Variants in ZC2HC1B observed in about 807,000 individuals in gnomAD.
The protein encoded by ZC2HC1B is zinc finger C2HC-type containing 1B, also known as zinc finger C2HC domain-containing protein 1B.
A neutral mutation model predicts 31.0 loss-of-function variants in ZC2HC1B; 36 were observed. That is an observed-to-expected ratio of 1.16 (90% confidence interval 0.89 to 1.54). ZC2HC1B has a LOEUF of 1.54. ZC2HC1B is among the 40% of genes most tolerant of loss of function. ZC2HC1B has a pLI of 0.00. For missense variants in ZC2HC1B, 260 were observed against 268.6 expected (o/e 0.97, Z 0.22); for synonymous variants, 73 against 88.0 (o/e 0.83, Z 0.95).
At position 143,899,076 on chromosome 6, in the gene ZC2HC1B, G is replaced by A. The variant is rs1582962654; in HGVS notation, c.489+385G>A. Among the ~76,000 whole-genome samples, 1 of 152,202 alleles carries A rather than the reference G, an allele frequency of 6.6e-6. No homozygotes were observed. The highest frequency in any genetic ancestry group is 2.4e-5 in the African/African-American group (1 of 41,442). ...CTGTCCCAAGGCAACTGCCCCACAG[G>A]TCATGTGTTTTGCTCTATAGAGGAG... On this transcript the variant is annotated intron_variant, in intron 5 of 7. Transcript: ENST00000237275. This position sits in a 1 kb window ranked among gnomAD's most constrained non-coding sequence, Gnocchi z 5.0.
At chr6:143,894,291 G>A (rs1777637768) in intron 4 of ZC2HC1B, among the ~76,000 whole-genome samples, 2 of 152,166 alleles carry the variant, frequency 1.3e-5, no homozygotes, top group African/African-American at 4.8e-5. Context: ...ATAGTAATAG[G>A]AAATAGATAA....
rs1043411271 is a variant in ZC2HC1B, at chr6:143,922,601, A to G, written c.599-15048A>G. Among the ~76,000 whole-genome samples, 9 of 152,208 alleles carry G rather than the reference A, an allele frequency of 5.9e-5. No homozygotes were observed. Among genetic ancestry groups the G allele is most frequent in the Non-Finnish European group, 1.3e-4 (9 of 68,026 alleles). On this transcript the variant is annotated intron_variant, in intron 6 of 7. Transcript: ENST00000237275. This position sits in a 1 kb window ranked among gnomAD's most constrained non-coding sequence, Gnocchi z 5.0. ...TATTTGTCTTTCTGTGTCTGGCTTA[A>G]TTCATTTAACAATAATGACCTCTAG...
chr6:143,935,740 G>A (rs1305675803), intron 6 of ZC2HC1B, among the ~76,000 whole-genome samples: 4 of 125,652 alleles, frequency 3.2e-5, no homozygotes, highest in Non-Finnish European at 6.3e-5. Flanking sequence ...CTACAGCCTT[G>A]ACTTCCTGGG....
chr6:143,937,717 T>A lies in ZC2HC1B; in HGVS notation c.667T>A (p.Ter223LysextTer9). 1 of 1,550,396 alleles carries A rather than the reference T, an allele frequency of 6.4e-7. No homozygotes were observed. Among genetic ancestry groups the A allele is most frequent in the Non-Finnish European group, 8.7e-7 (1 of 1,146,486 alleles). The change falls in exon 7 of 8, where the codon TAA (stop) becomes AAA (lysine). Residue 223 changes from the stop codon to lysine, a stop_lost. Coordinates refer to ENST00000237275, the MANE Select transcript of ZC2HC1B (RefSeq NM_001013623.3). ...QGFSKSSKKD[*>K] The stretch of plus-strand genomic sequence containing the variant: ...ATTTAGTAAATCTTCTAAAAAAGAT[T>A]AACTCCTAGAAGCCAGGTAAGAAAA...
At chr6:143,926,858 A>G (rs1264277946) in intron 6 of ZC2HC1B, among the ~76,000 whole-genome samples, 2 of 109,324 alleles carry the variant, frequency 1.8e-5, no homozygotes, top group Non-Finnish European at 3.4e-5. Flanking sequence ...TTTTTTTGAG[A>G]CGGAGTCTCG....
intron 6 of ZC2HC1B, among the ~76,000 whole-genome samples, chr6:143,910,715 T>C (rs1238106579): frequency 1.3e-5 from 2 of 152,196 alleles, no homozygotes; most frequent in African/African-American, 4.8e-5. Context: ...TACCTTTATG[T>C]AATGCCCTTC....
In ZC2HC1B at chr6:143,869,513, G is replaced by A. The variant is rs1562335673; in HGVS notation, c.28+4946G>A. The stretch of plus-strand genomic sequence containing the variant: ...TCTCTCTGTAAAGAGAGGCAATGCT[G>A]TGTGGAATACCATGACAGTGGATAA... On this transcript the variant is annotated intron_variant, in intron 1 of 7. Coordinates refer to ENST00000237275, the MANE Select transcript of ZC2HC1B (RefSeq NM_001013623.3). The surrounding 1 kb of genome is among the most constrained non-coding windows in gnomAD (Gnocchi z 5.2). Among the ~76,000 whole-genome samples, 1 of 152,244 alleles carries A rather than the reference G, an allele frequency of 6.6e-6. No individual in the cohort carries two copies. Among genetic ancestry groups the A allele is most frequent in the Non-Finnish European group, 1.5e-5 (1 of 68,046 alleles).
intron 4 of ZC2HC1B, among the ~76,000 whole-genome samples, chr6:143,892,175 G>A (rs1274644066): frequency 6.6e-6 from 1 of 152,150 alleles, no homozygotes; most frequent in African/African-American, 2.4e-5. Context: ...ACTGGCATCT[G>A]CTTCTCTCGA....
At chr6:143,876,847 C>T (rs1278508012) in intron 1 of ZC2HC1B, among the ~76,000 whole-genome samples, 2 of 150,186 alleles carry the variant, frequency 1.3e-5, no homozygotes, top group Non-Finnish European at 3.0e-5. Flanking sequence ...ATTTTTCTGC[C>T]TGCTTTATAT....
chr6:143,879,817 G>T (rs1334339738), intron 1 of ZC2HC1B, among the ~76,000 whole-genome samples: 41 of 105,892 alleles, frequency 3.9e-4, no homozygotes, highest in African/African-American at 7.0e-4. Flanking sequence ...TGCTCAAGTT[G>T]TCCCTGATTT....
In ZC2HC1B at chr6:143,885,611, G is replaced by A. The variant is rs550751052; in HGVS notation, c.91-421G>A. On this transcript the variant is annotated intron_variant, in intron 2 of 7. Coordinates refer to ENST00000237275, the MANE Select transcript of ZC2HC1B (RefSeq NM_001013623.3). This position sits in a 1 kb window ranked among gnomAD's most constrained non-coding sequence, Gnocchi z 4.2. ...TGGTTATTATGTGTCACACATCCAC[G>A]AAGGGAGAGGGCCAAGGTCCCATAG... Among the ~76,000 whole-genome samples, 7 of 152,136 alleles carry A rather than the reference G, an allele frequency of 4.6e-5. No homozygotes were observed. Among genetic ancestry groups the A allele is most frequent in the Admixed American group, 1.3e-4 (2 of 15,266 alleles).
chr6:143,899,634 C>T lies in ZC2HC1B; in HGVS notation c.489+943C>T, dbSNP rs974663545. Among the ~76,000 whole-genome samples, 4 of 152,192 alleles carry T rather than the reference C, an allele frequency of 2.6e-5. No homozygotes were observed. The highest frequency in any genetic ancestry group is 7.2e-5 in the African/African-American group (3 of 41,446). On this transcript the variant is annotated intron_variant, in intron 5 of 7. Coordinates refer to ENST00000237275, the MANE Select transcript of ZC2HC1B (RefSeq NM_001013623.3). The surrounding 1 kb of genome is among the most constrained non-coding windows in gnomAD (Gnocchi z 5.0). ...CCAAGCAATCTGCCCTCTTCAGCCT[C>T]CCAAAGTGCTAGAACTACAAGTGTG...
At position 143,895,746 on chromosome 6, in the gene ZC2HC1B, A is replaced by G. The variant is rs1207272430; in HGVS notation, c.350-2806A>G. Among the ~76,000 whole-genome samples the G allele has an allele frequency of 6.6e-6, 1 of 152,220 alleles. No homozygotes were observed. The highest frequency in any genetic ancestry group is 1.5e-5 in the Non-Finnish European group (1 of 68,050). On this transcript the variant is annotated intron_variant, in intron 4 of 7. Coordinates refer to ENST00000237275, the MANE Select transcript of ZC2HC1B (RefSeq NM_001013623.3). This position sits in a 1 kb window ranked among gnomAD's most constrained non-coding sequence, Gnocchi z 4.8. ...CATTCAGTTACCATTTTGCATAGCT[A>G]CATAGACACGGATACACAGCACAAT... is the stretch of plus-strand genomic sequence containing the variant.
chr6:143,913,850 C>T lies in ZC2HC1B; in HGVS notation c.598+10698C>T, dbSNP rs1777888591. 1.3e-5 allele frequency among the ~76,000 whole-genome samples: 2 copies of T among 152,204 alleles called. No individual in the cohort carries two copies. The highest frequency in any genetic ancestry group is 1.5e-5 in the Non-Finnish European group (1 of 68,032). ...TTGCGCCACCCTACTTTTCTTCATTCTCCGTGTATTGAGTTGTTTCCCTAA... is the reference window on the plus strand; with the variant it reads ...TTGCGCCACCCTACTTTTCTTCATTTTCCGTGTATTGAGTTGTTTCCCTAA... On this transcript the variant is annotated intron_variant, in intron 6 of 7. Coordinates refer to ENST00000237275, the MANE Select transcript of ZC2HC1B (RefSeq NM_001013623.3). The surrounding 1 kb of genome is among the most constrained non-coding windows in gnomAD (Gnocchi z 5.7).
Position 143,905,207 on chromosome 6 carries a change from A to G in ZC2HC1B, c.598+2055A>G, listed in dbSNP as rs1391968626. ...GTTTTCAAATCCATGAACATGGAAT[A>G]TATTTCTGTTTATTTATGTCCTCTT... is the stretch of plus-strand genomic sequence containing the variant. On this transcript the variant is annotated intron_variant, in intron 6 of 7. Coordinates refer to ENST00000237275, the MANE Select transcript of ZC2HC1B (RefSeq NM_001013623.3). This position sits in a 1 kb window ranked among gnomAD's most constrained non-coding sequence, Gnocchi z 4.2. 1.3e-5 allele frequency among the ~76,000 whole-genome samples: 2 copies of G among 152,196 alleles called. No homozygotes were observed. Among genetic ancestry groups the G allele is most frequent in the Non-Finnish European group, 2.9e-5 (2 of 68,038 alleles).
At chr6:143,930,381 CTTTT>C (rs34308015) in intron 6 of ZC2HC1B, among the ~76,000 whole-genome samples, 2 of 111,772 alleles carry the variant, frequency 1.8e-5, no homozygotes, top group Admixed American at 1.0e-4. Context: ...TTGAGAGTTT[CTTTT>C]TTTTTTTTTT....
In ZC2HC1B at chr6:143,929,682, G is replaced by A. The variant is rs148350817; in HGVS notation, c.599-7967G>A. Among the ~76,000 whole-genome samples, 289 of 152,224 alleles carry A rather than the reference G, an allele frequency of 1.9e-3. 5 individuals carry two copies. Among genetic ancestry groups the A allele is most frequent in the East Asian group, 0.012 (62 of 5,174 alleles). On this transcript the variant is annotated intron_variant, in intron 6 of 7. Coordinates refer to ENST00000237275, the MANE Select transcript of ZC2HC1B (RefSeq NM_001013623.3). ...TTTATGTCTGATAAAATTTGGCTGT[G>A]AATCTGTCTGCTCCTGGGCTCTTTT...
rs991772720 is a variant in ZC2HC1B at position 143,906,691 on chromosome 6, G to A, written c.598+3539G>A. ...AATTATGGCCTCAAGTGATCTTCCC[G>A]CCTTGGCCTTGCAAAGTGCTGGGAT... is the stretch of plus-strand genomic sequence containing the variant. On this transcript the variant is annotated intron_variant, in intron 6 of 7. Coordinates refer to ENST00000237275, the MANE Select transcript of ZC2HC1B (RefSeq NM_001013623.3). Among the ~76,000 whole-genome samples, 10 of 151,158 alleles carry A rather than the reference G, an allele frequency of 6.6e-5. No individual in the cohort carries two copies. In the East Asian group the frequency reaches 1.2e-3, roughly 18 times the overall value.
intron 6 of ZC2HC1B, among the ~76,000 whole-genome samples, chr6:143,919,195 C>T (rs1228385875): frequency 6.7e-6 from 1 of 149,106 alleles, no homozygotes; most frequent in Admixed American, 6.7e-5. Flanking sequence ...GATATTCTCC[C>T]TTCTGCAGGG....
Sources: allele counts gnomAD v4.1 joint callset (sites outside exome capture counted in the v4.1 genomes callset), GRCh38; gene constraint gnomAD v4.1.1; non-coding constraint Gnocchi (gnomAD v3.1); transcripts MANE v1.5; gene names NCBI Gene and HGNC (gene_info 2026-07-23, HGNC 2026-07-21).